GRM1: variants seen among roughly 807,000 people sequenced by gnomAD.
GRM1 encodes metabotropic glutamate receptor 1.
A neutral mutation model predicts 90.9 loss-of-function variants in GRM1; 33 were observed. The observed-to-expected ratio is 0.36, with a 90% confidence interval of 0.28 to 0.49. The LOEUF (loss-of-function observed/expected upper bound fraction) is 0.49, where lower values mean the gene tolerates loss of function less well. Among genes scored for constraint, GRM1 ranks in the 20% least tolerant of loss-of-function variants. The pLI is 0.99. For missense variants in GRM1, 1,190 were observed against 1,534.3 expected, an observed-to-expected ratio of 0.78 and a Z score of 3.75; for synonymous variants, 700 against 613.2, an observed-to-expected ratio of 1.14 and a Z score of -2.09.
chr6:146,373,225 G>A (rs890891064), intron 5 of GRM1, among the ~76,000 whole-genome samples: 1 of 151,928 alleles, frequency 6.6e-6, no homozygotes, highest in Admixed American at 6.6e-5. Flanking sequence ...GTGTGTATTA[G>A]TCTGTTCTCC....
At chr6:146,149,452 G>T (rs920803916) in intron 1 of GRM1, among the ~76,000 whole-genome samples, 1 of 152,086 alleles carries the variant, frequency 6.6e-6, no homozygotes, top group South Asian at 2.1e-4. Context: ...AGAAAGACGT[G>T]GAGAATATTC....
At chr6:146,361,569 C>T (rs1029668331) in intron 5 of GRM1, among the ~76,000 whole-genome samples, 2 of 152,122 alleles carry the variant, frequency 1.3e-5, no homozygotes, top group Non-Finnish European at 2.9e-5. Context: ...CAGGGACTAA[C>T]ATTGGTCAAG....
intron 2 of GRM1, among the ~76,000 whole-genome samples, chr6:146,264,974 G>C (rs184770315): frequency 1.3e-5 from 2 of 152,120 alleles, no homozygotes; most frequent in Non-Finnish European, 2.9e-5. Context: ...CTTTGCTCTT[G>C]TGAACAGTGC....
chr6:146,179,896 C>T (rs1001964585), intron 2 of GRM1, among the ~76,000 whole-genome samples: 1 of 151,574 alleles, frequency 6.6e-6, no homozygotes, highest in South Asian at 2.1e-4. Context: ...TTTCCCAGCA[C>T]TTTGGGAGGC....
intron 1 of GRM1, 138 bp from the exon 2 acceptor site, chr6:146,159,210 C>T (rs930740253): frequency 3.7e-5 from 35 of 957,852 alleles, no homozygotes; most frequent in Non-Finnish European, 4.9e-5. Flanking sequence ...CCAGATCTTC[C>T]GTCAGTCTCA....
At chr6:146,133,407 T>G (rs186791470) in intron 1 of GRM1, among the ~76,000 whole-genome samples, 18 of 152,304 alleles carry the variant, frequency 1.2e-4, no homozygotes, top group Non-Finnish European at 1.5e-4. Context: ...ATTAATTAAA[T>G]TGCATTTGTA....
chr6:146,044,800 A>G (rs996190983), intron 1 of GRM1, among the ~76,000 whole-genome samples: 1 of 152,010 alleles, frequency 6.6e-6, no homozygotes, highest in Non-Finnish European at 1.5e-5. Context: ...ATGAAAAAAA[A>G]TCGAGTGAGT....
At chr6:146,248,168 A>G (rs1781139770) in intron 2 of GRM1, among the ~76,000 whole-genome samples, 1 of 152,034 alleles carries the variant, frequency 6.6e-6, no homozygotes. Context: ...TCGTTCCTAC[A>G]GAAGCAACCC....
chr6:146,396,293 G>A (rs1431895865), intron 6 of GRM1, among the ~76,000 whole-genome samples: 3 of 152,286 alleles, frequency 2.0e-5, no homozygotes, highest in South Asian at 4.1e-4. Flanking sequence ...TGTCAAAAGT[G>A]TGTGCTTGCC....
chr6:146,275,433 G>A (rs1328968595), intron 2 of GRM1, among the ~76,000 whole-genome samples: 2 of 152,038 alleles, frequency 1.3e-5, no homozygotes, highest in African/African-American at 2.4e-5. Flanking sequence ...GAAGGCGTGG[G>A]AATCAAGTTC....
At chr6:146,418,897 T>C (rs1202788257) in intron 7 of GRM1, among the ~76,000 whole-genome samples, 2 of 152,188 alleles carry the variant, frequency 1.3e-5, no homozygotes, top group African/African-American at 4.8e-5. Context: ...TGAGAAATTC[T>C]ATGGTTTTCT....
In GRM1 at chr6:146,136,849, C is replaced by CTTT. The variant is rs57774648; in HGVS notation, c.701-22480_701-22478dup. 8.9e-3 allele frequency among the ~76,000 whole-genome samples: 812 copies of CTTT among 90,968 alleles called. 10 individuals carry two copies. Among genetic ancestry groups the CTTT allele is most frequent in the Non-Finnish European group, 0.013 (603 of 47,560 alleles). The allele number at this position is 90,968 out of a possible 152,430, so 59.7% of individuals were successfully genotyped here. A position where few individuals can be genotyped will look rare whatever the true frequency, so the allele number is the denominator to read the frequency against. ...GATTGTTTTCTTTGTTGTACAGAAG[C>CTTT]TTTTTTTTTTTTTTTTTTTTTGAGA... On this transcript the variant is annotated intron_variant, in intron 1 of 7. Coordinates refer to ENST00000282753, the MANE Select transcript of GRM1 (RefSeq NM_001278064.2).
intron 1 of GRM1, among the ~76,000 whole-genome samples, chr6:146,071,399 A>C (rs1776013457): frequency 6.6e-6 from 1 of 152,170 alleles, no homozygotes; most frequent in Non-Finnish European, 1.5e-5. Context: ...AATCTAAGCT[A>C]GAAATGGATC....
In GRM1 at chr6:146,073,822, G is replaced by T. The variant is rs139123036; in HGVS notation, c.700+43605G>T. 1.6e-3 allele frequency among the ~76,000 whole-genome samples: 243 copies of T among 152,242 alleles called. 1 individual carries two copies. Among genetic ancestry groups the T allele is most frequent in the African/African-American group, 5.6e-3 (233 of 41,552 alleles). On this transcript the variant is annotated intron_variant, in intron 1 of 7. Transcript: ENST00000282753. ...CTGTATCTGGAATGATGAAATTCTGGAATTGCATTGTGAGGAAAAAATAAA... is the reference window on the plus strand; with the variant it reads ...CTGTATCTGGAATGATGAAATTCTGTAATTGCATTGTGAGGAAAAAATAAA...
At chr6:146,353,031 T>C (rs985301370) in intron 4 of GRM1, among the ~76,000 whole-genome samples, 3 of 152,246 alleles carry the variant, frequency 2.0e-5, no homozygotes, top group Admixed American at 6.5e-5. Context: ...GAAACAACTT[T>C]CTTTTTGGGA....
chr6:146,413,247 A>G (rs1056770038), intron 7 of GRM1, among the ~76,000 whole-genome samples: 3 of 152,138 alleles, frequency 2.0e-5, no homozygotes, highest in East Asian at 1.9e-4. Context: ...CAAATCTGAT[A>G]ATAATCTTTT....
intron 5 of GRM1, among the ~76,000 whole-genome samples, chr6:146,373,099 A>G (rs1775963189): frequency 6.6e-6 from 1 of 152,140 alleles, no homozygotes; most frequent in Non-Finnish European, 1.5e-5. Context: ...ATCAATTAAC[A>G]TAAAAATTTT....
intron 1 of GRM1, among the ~76,000 whole-genome samples, chr6:146,099,825 C>T (rs932859560): frequency 5.9e-5 from 9 of 152,070 alleles, no homozygotes; most frequent in African/African-American, 2.2e-4. Flanking sequence ...GGACTGTTTG[C>T]ATTTTGGGGC....
At chr6:146,318,474 G>A (rs1460890224) in intron 3 of GRM1, among the ~76,000 whole-genome samples, 2 of 152,184 alleles carry the variant, frequency 1.3e-5, no homozygotes, top group Non-Finnish European at 2.9e-5. Context: ...ACGTGTGCAT[G>A]TGTATTTATG....
Sources: gnomAD v4.1 joint callset for allele counts (sites outside exome capture counted in the v4.1 genomes callset) on GRCh38, gnomAD v4.1.1 for gene constraint, MANE v1.5 for transcripts, NCBI Gene and HGNC (gene_info 2026-07-23, HGNC 2026-07-21) for gene names.